The following MCM4 variants were observed in gnomAD, a reference collection of about 807,000 sequenced individuals.
MCM4 encodes the protein DNA replication licensing factor MCM4.
A neutral mutation model predicts 88.7 loss-of-function variants in MCM4; 60 were observed. The observed-to-expected ratio is 0.68, with a 90% confidence interval of 0.55 to 0.84. The LOEUF (loss-of-function observed/expected upper bound fraction) is 0.84, where lower values mean the gene tolerates loss of function less well. Ranked by LOEUF, MCM4 falls within the 40% of genes least tolerant of loss-of-function variation. The pLI, the probability that MCM4 is intolerant of heterozygous loss-of-function variation, is 0.00. For synonymous variants in MCM4, 465 were observed against 410.5 expected, an observed-to-expected ratio of 1.13 and a Z score of -1.61; for missense variants, 1,149 against 1,105.5, an observed-to-expected ratio of 1.04 and a Z score of -0.56.
At chr8:47,963,127 A>AATT in intron 7 of MCM4, 87 bp downstream of exon 7, 1 of 785,822 alleles carries the variant, frequency 1.3e-6, no homozygotes, top group Non-Finnish European at 2.1e-6. Flanking sequence ...AGTAATGAAG[A>AATT]TAGTATGCGC....
chr8:47,966,228 A>G lies in MCM4; in HGVS notation c.874A>G (p.Thr292Ala). The part of the protein sequence containing the change: ...LITISGMVIR[T>A]SQLIPEMQEA... ...CACCATCAGCGGCATGGTGATCAGGACATCCCAGCTGATTCCCGAGATGCA... is the reference window on the plus strand; with the variant it reads ...CACCATCAGCGGCATGGTGATCAGGGCATCCCAGCTGATTCCCGAGATGCA... The change falls in exon 9 of 17, where the codon ACA (threonine) becomes GCA (alanine). Residue 292 changes from threonine (T) to alanine (A), a missense_variant. Physicochemically the swap from Thr to Ala is moderately conservative, Grantham distance 58. Around this residue, in one of 3 missense-constraint regions of MCM4, gnomAD observed 906 missense variants for 843.0 expected, o/e 1.07. Coordinates refer to ENST00000649973, the MANE Select transcript of MCM4 (RefSeq NM_182746.3). 6.2e-7 allele frequency: 1 copy of G among 1,614,040 alleles called. No individual in the cohort carries two copies. Among genetic ancestry groups the G allele is most frequent in the Non-Finnish European group, 8.5e-7 (1 of 1,179,996 alleles).
rs1443322079 is a variant in MCM4, at chr8:47,961,618, A to G, written c.173A>G (p.Asp58Gly). 6.8e-6 allele frequency: 11 copies of G among 1,613,988 alleles called. No individual in the cohort carries two copies. The highest frequency in any genetic ancestry group is 1.3e-5 in the African/African-American group (1 of 74,896). The change falls in exon 3 of 17, where the codon GAC (aspartate) becomes GGC (glycine). Residue 58 changes from aspartate (D) to glycine (G), a missense_variant. Coordinates refer to ENST00000649973, the MANE Select transcript of MCM4 (RefSeq NM_182746.3). ...LQPMPTSPGV[D>G]LQSPAAQDVL... The stretch of plus-strand genomic sequence containing the variant: ...CCGATGCCAACCTCGCCTGGAGTGG[A>G]CCTGCAGAGCCCTGCTGCGCAGGAC...
At chr8:47,962,451 T>G (rs966333755) in intron 5 of MCM4, 45 bp downstream of exon 5, 2 of 1,581,436 alleles carry the variant, frequency 1.3e-6, no homozygotes, top group Non-Finnish European at 1.7e-6. Context: ...TCTGAAAATG[T>G]TGGGAGACCG....
At chr8:47,965,791 T>C (rs1184792788) in intron 8 of MCM4, among the ~76,000 whole-genome samples, 3 of 152,178 alleles carry the variant, frequency 2.0e-5, no homozygotes, top group Non-Finnish European at 4.4e-5. Flanking sequence ...GTTCAGTCCT[T>C]GGCTCTGGGA....
chr8:47,975,109 G>T, intron 15 of MCM4, 147 bp downstream of exon 15: 1 of 605,910 alleles, frequency 1.7e-6, no homozygotes, highest in South Asian at 2.3e-5. Flanking sequence ...AGAATCTGAT[G>T]AAAGTTGCCC....
intron 14 of MCM4, chr8:47,974,455 T>C: frequency 2.6e-6 from 1 of 383,246 alleles, no homozygotes; most frequent in Non-Finnish European, 4.9e-6. Flanking sequence ...GTCTCTGTTC[T>C]TCAGAGCTAC....
At chr8:47,967,903 A>T (rs1171042591) in intron 10 of MCM4, among the ~76,000 whole-genome samples, 1 of 152,218 alleles carries the variant, frequency 6.6e-6, no homozygotes, top group African/African-American at 2.4e-5. Flanking sequence ...TTTTTACTTA[A>T]TTTCCCAAAT....
Position 47,961,627 on chromosome 8 carries a change from G to A in MCM4, c.182G>A (p.Ser61Asn), listed in dbSNP as rs375186387. ...ACCTCGCCTGGAGTGGACCTGCAGA[G>A]CCCTGCTGCGCAGGACGTGCTGTTT... is the stretch of plus-strand genomic sequence containing the variant. ...MPTSPGVDLQ[S>N]PAAQDVLFSS... Residue 61 changes from serine (S) to asparagine (N), a missense_variant, in exon 3 of 17, where the codon AGC (serine) becomes AAC (asparagine). Physicochemically the swap from Ser to Asn is conservative, Grantham distance 46. Transcript: ENST00000649973. The A allele has an allele frequency of 6.2e-7, 1 of 1,614,056 alleles. No homozygotes were observed. The highest frequency in any genetic ancestry group is 8.5e-7 in the Non-Finnish European group (1 of 1,179,942).
chr8:47,962,872 T>A lies in MCM4; in HGVS notation c.597+13T>A, dbSNP rs1395513751. On this transcript the variant is annotated intron_variant, in intron 6 of 16. Coordinates refer to ENST00000649973, the MANE Select transcript of MCM4 (RefSeq NM_182746.3). ...ACGACTTGGGGAGGTAATCAAATAC[T>A]CTTTAAATTCAAGTTACGTGTTTTA... The A allele has an allele frequency of 6.3e-7, 1 of 1,583,422 alleles. No individual in the cohort carries two copies. The highest frequency in any genetic ancestry group is 8.6e-7 in the Non-Finnish European group (1 of 1,162,988).
chr8:47,961,801 T>G (rs1001180546), intron 3 of MCM4, 121 bp downstream of exon 3: 1 of 1,293,432 alleles, frequency 7.7e-7, no homozygotes, highest in African/African-American at 1.5e-5. Flanking sequence ...TGCACGTGAC[T>G]GAGCATGTTC....
chr8:47,963,148 A>G, intron 7 of MCM4, 108 bp downstream of exon 7: 1 of 663,838 alleles, frequency 1.5e-6, no homozygotes, highest in Admixed American at 3.1e-5. Context: ...AAACACTTTA[A>G]GAAACTGAGT....
At chr8:47,974,657 T>A in intron 14 of MCM4, 77 bp from the exon 15 acceptor site, 2 of 1,091,664 alleles carry the variant, frequency 1.8e-6, no homozygotes, top group Non-Finnish European at 2.8e-6. Context: ...GAAGCCTAAG[T>A]GTTCAAAATT....
chr8:47,966,060 G>T (rs1232358919), intron 8 of MCM4, 127 bp from the exon 9 acceptor site: 3 of 704,372 alleles, frequency 4.3e-6, no homozygotes, highest in Non-Finnish European at 7.4e-6. Flanking sequence ...ATAGCCTGCA[G>T]ATGACTGGAC....
intron 11 of MCM4, among the ~76,000 whole-genome samples, 166 bp downstream of exon 11, chr8:47,970,223 C>A (rs577187176): frequency 6.6e-6 from 1 of 152,328 alleles, no homozygotes; most frequent in Admixed American, 6.5e-5. Flanking sequence ...AGAATCATAG[C>A]ATTGTCTATC....
rs1001880510 is a variant in MCM4 at position 47,961,936 on chromosome 8, G to A, written c.236-117G>A. The A allele has an allele frequency of 1.1e-5, 11 of 1,027,932 alleles. No homozygotes were observed. The Admixed American group carries it at 1.1e-4, about 10-fold the overall frequency. 63.7% of individuals were successfully genotyped at this position (1,027,932 alleles called of 1,614,324 possible). A position where few individuals can be genotyped will look rare whatever the true frequency, so the allele number is the denominator to read the frequency against. ...AAGAGTGCTCAGAATCTCAGCCACC[G>A]CAGGTTGCAATAAATATTCAGTTTG... is the stretch of plus-strand genomic sequence containing the variant. On this transcript the variant is annotated intron_variant, in intron 3 of 16. Coordinates refer to ENST00000649973, the MANE Select transcript of MCM4 (RefSeq NM_182746.3).
At chr8:47,972,537 T>C (rs2090963323) in intron 13 of MCM4, among the ~76,000 whole-genome samples, 1 of 152,194 alleles carries the variant, frequency 6.6e-6, no homozygotes, top group Middle Eastern at 3.4e-3. Flanking sequence ...GAAAACAGTT[T>C]TTTTGTTGTT....
At position 47,962,865 on chromosome 8, in the gene MCM4, C is replaced by A; in HGVS notation, c.597+6C>A. On this transcript the variant is annotated splice_donor_region_variant and intron_variant, in intron 6 of 16. Coordinates refer to ENST00000649973, the MANE Select transcript of MCM4 (RefSeq NM_182746.3). ...ACATGCAACGACTTGGGGAGGTAATCAAATACTCTTTAAATTCAAGTTACG... is the reference window on the plus strand; with the variant it reads ...ACATGCAACGACTTGGGGAGGTAATAAAATACTCTTTAAATTCAAGTTACG... The A allele has an allele frequency of 1.3e-6, 2 of 1,589,476 alleles. No homozygotes were observed. The highest frequency in any genetic ancestry group is 1.1e-5 in the South Asian group (1 of 87,224).
Position 47,965,597 on chromosome 8 carries a change from G to A in MCM4, c.833-590G>A, listed in dbSNP as rs531773301. Among the ~76,000 whole-genome samples the A allele has an allele frequency of 7.9e-5, 12 of 152,272 alleles. No homozygotes were observed. The East Asian group carries it at 1.7e-3, about 22-fold the overall frequency. ...GAAACCAGCAGGGGAAATTAGTTGC[G>A]GGCAGTGGGACCTTCAAAGGGAAAA... is the stretch of plus-strand genomic sequence containing the variant. On this transcript the variant is annotated intron_variant, in intron 8 of 16. Coordinates refer to ENST00000649973, the MANE Select transcript of MCM4 (RefSeq NM_182746.3).
rs958212958 is a variant in MCM4, at chr8:47,978,085, A to G, written c.*1307A>G. ...AAATGTGAATTAAATCCTAACAGTC[A>G]TCTTTATAAAATGACCATAGGCTAA... On this transcript the variant is annotated 3_prime_UTR_variant, in exon 17 of 17. Transcript: ENST00000649973. The G allele has an allele frequency of 6.6e-6, 1 of 152,224 alleles. No homozygotes were observed. The highest frequency in any genetic ancestry group is 2.4e-5 in the African/African-American group (1 of 41,468). 9.4% of individuals were successfully genotyped at this position (152,224 alleles called of 1,614,324 possible). A position where few individuals can be genotyped will look rare whatever the true frequency, so the allele number is the denominator to read the frequency against.
Sources: allele counts gnomAD v4.1 joint callset (sites outside exome capture counted in the v4.1 genomes callset), GRCh38; gene constraint gnomAD v4.1.1; regional missense constraint gnomAD v4.1.1; transcripts MANE v1.5; gene names NCBI Gene and HGNC (gene_info 2026-07-23, HGNC 2026-07-21).